Variants in GPR15LG observed in about 807,000 individuals in gnomAD.
GPR15LG encodes G protein-coupled receptor 15 ligand.
the GPR15LG span, among the ~76,000 whole-genome samples, chr10:84,175,829 G>T: frequency 1.3e-5 from 2 of 151,698 alleles, no homozygotes; most frequent in African/African-American, 4.8e-5. Flanking sequence ...TTAATTATGT[G>T]GTAAAAGGTA....
the GPR15LG span, chr10:84,184,941 A>T: frequency 6.9e-7 from 1 of 1,457,464 alleles, no homozygotes; most frequent in Non-Finnish European, 9.0e-7. Context: ...CCTTGTCTCA[A>T]TTGTGCCATC....
At chr10:84,184,754 C>T in the GPR15LG span, 22 of 1,613,680 alleles carry the variant, frequency 1.4e-5, no homozygotes, top group South Asian at 2.1e-4. Context: ...CTGGGGCACT[C>T]CCACAGGTGT....
the GPR15LG span, among the ~76,000 whole-genome samples, chr10:84,177,530 T>G: frequency 6.6e-6 from 1 of 152,324 alleles, no homozygotes; most frequent in East Asian, 1.9e-4. Context: ...CGCCGGAGCC[T>G]CCATGCCTTT....
chr10:84,184,973 C>G, the GPR15LG span: 38 of 1,408,274 alleles, frequency 2.7e-5, no homozygotes, highest in East Asian at 9.9e-4. Context: ...CTATCATGAG[C>G]CAACCTCACC....
the GPR15LG span, among the ~76,000 whole-genome samples, chr10:84,174,965 T>C: frequency 6.6e-6 from 1 of 152,192 alleles, no homozygotes; most frequent in Non-Finnish European, 1.5e-5. Flanking sequence ...ATTCCATGAT[T>C]CAAGAGTAGC....
chr10:84,174,888 G>A, the GPR15LG span, among the ~76,000 whole-genome samples: 1 of 151,986 alleles, frequency 6.6e-6, no homozygotes, highest in Non-Finnish European at 1.5e-5. Flanking sequence ...AGTGGTTATG[G>A]TTACTCAAAC....
the GPR15LG span, among the ~76,000 whole-genome samples, chr10:84,180,939 A>G: frequency 6.6e-6 from 1 of 152,208 alleles, no homozygotes; most frequent in African/African-American, 2.4e-5. Flanking sequence ...TACGAAAACC[A>G]GTCAGGTGTG....
chr10:84,176,437 A>C, the GPR15LG span: 4 of 1,398,560 alleles, frequency 2.9e-6, no homozygotes, highest in Non-Finnish European at 4.1e-6. Context: ...CTCACAGACA[A>C]GCCCACTAAA....
chr10:84,174,632 A>G, the GPR15LG span, among the ~76,000 whole-genome samples: 1 of 151,338 alleles, frequency 6.6e-6, no homozygotes, highest in Middle Eastern at 3.2e-3. Flanking sequence ...AGCTGAGATT[A>G]CAGGTGCCCA....
At chr10:84,176,448 G>A in the GPR15LG span, 2 of 1,511,686 alleles carry the variant, frequency 1.3e-6, no homozygotes, top group South Asian at 2.2e-5. Context: ...GCCCACTAAA[G>A]ACAGTCTCTC....
the GPR15LG span, chr10:84,185,186 A>T: frequency 1.6e-6 from 1 of 611,074 alleles, no homozygotes; most frequent in African/African-American, 2.0e-5. Flanking sequence ...AACTACCAGC[A>T]TCCAGTGGTC....
At chr10:84,180,124 C>T in the GPR15LG span, among the ~76,000 whole-genome samples, 1 of 152,226 alleles carries the variant, frequency 6.6e-6, no homozygotes, top group Non-Finnish European at 1.5e-5. Context: ...TAACAAAGCA[C>T]ATCTTGCACC....
chr10:84,176,070 T>G, the GPR15LG span, among the ~76,000 whole-genome samples: 1 of 151,624 alleles, frequency 6.6e-6, no homozygotes, highest in South Asian at 2.1e-4. Flanking sequence ...GTATTTTTAG[T>G]AGAGATGGGG....
chr10:84,176,528 G>A, the GPR15LG span: 4 of 1,614,038 alleles, frequency 2.5e-6, no homozygotes. Context: ...ACCAGGCTCT[G>A]CTGCCACCGA....
the GPR15LG span, among the ~76,000 whole-genome samples, chr10:84,179,083 G>A: frequency 1.3e-5 from 2 of 152,170 alleles, no homozygotes; most frequent in Non-Finnish European, 2.9e-5. Flanking sequence ...GCGCGTGCAA[G>A]CCAGACGGCT....
At chr10:84,176,845 T>C in the GPR15LG span, among the ~76,000 whole-genome samples, 1 of 151,546 alleles carries the variant, frequency 6.6e-6, no homozygotes, top group South Asian at 2.1e-4. Context: ...TCTGAGGAGG[T>C]GACATTTATG....
the GPR15LG span, among the ~76,000 whole-genome samples, chr10:84,174,487 CTTTTTTCTTTTTT>C: frequency 2.5e-3 from 269 of 108,864 alleles, 1 homozygote; most frequent in African/African-American, 8.3e-3. Context: ...GCCCTTTTTT[CTTTTTTCTTTTTT>C]TTTTTTTTTT....
chr10:84,176,574 G>A, the GPR15LG span: 1 of 1,611,236 alleles, frequency 6.2e-7, no homozygotes, highest in South Asian at 1.1e-5. Context: ...TGAAAGGTAA[G>A]TACCCCCACC....
the GPR15LG span, among the ~76,000 whole-genome samples, chr10:84,183,060 ACTTATTTG>A: frequency 6.6e-6 from 1 of 151,976 alleles, no homozygotes; most frequent in Non-Finnish European, 1.5e-5. Context: ...CAATATTATC[ACTTATTTG>A]TGGTTAAGAC....
Sources: gnomAD v4.1 joint callset for allele counts (sites outside exome capture counted in the v4.1 genomes callset) on GRCh38, gnomAD v4.1.1 for gene constraint, MANE v1.5 for transcripts, NCBI Gene and HGNC (gene_info 2026-07-23, HGNC 2026-07-21) for gene names.